Variants in FOXP1 observed in about 807,000 individuals in gnomAD.
FOXP1 encodes forkhead box P1.
A neutral mutation model predicts 98.2 loss-of-function variants in FOXP1; 15 were observed. The ratio of observed to expected loss-of-function variants is 0.15; its 90% CI spans 0.10 to 0.24. The LOEUF is 0.24. Ranked by LOEUF, FOXP1 falls within the 10% of genes least tolerant of loss-of-function variation. The pLI is 1.00. For synonymous variants in FOXP1, 371 were observed against 314.5 expected, an observed-to-expected ratio of 1.18 and a Z score of -1.90; for missense variants, 633 against 848.5, an observed-to-expected ratio of 0.75 and a Z score of 3.15.
rs1553761197 is a variant in FOXP1 at position 71,154,094 on chromosome 3, TTC to T, written c.181-41459_181-41458del. On this transcript the variant is annotated intron_variant, in intron 6 of 20. Coordinates refer to ENST00000649528, the MANE Select transcript of FOXP1 (RefSeq NM_001349338.3). ...CTTTGCATTCTTCTTCTTCTTCTTC[TTC>T]TTTTTTTTTGCAATTGACTAATAAT... 3.9e-4 allele frequency among the ~76,000 whole-genome samples: 47 copies of T among 120,056 alleles called. No individual in the cohort carries two copies. The East Asian group carries it at 4.8e-3, about 12-fold the overall frequency. 78.8% of individuals were successfully genotyped at this position (120,056 alleles called of 152,430 possible).
intron 2 of FOXP1, among the ~76,000 whole-genome samples, chr3:71,577,667 A>G (rs138859969): frequency 2.1e-3 from 314 of 152,316 alleles, no homozygotes; most frequent in African/African-American, 7.3e-3. Context: ...AGAGTAGAGT[A>G]ACAAATGACA....
intron 1 of FOXP1, chr3:71,582,029 A>G (rs1188970976): frequency 1.0e-6 from 1 of 971,838 alleles, no homozygotes; most frequent in South Asian, 4.8e-5. Flanking sequence ...TGGAGTTACA[A>G]CTGTTTATTT....
intron 12 of FOXP1, among the ~76,000 whole-genome samples, chr3:71,013,195 T>C (rs2043917318): frequency 6.6e-6 from 1 of 152,136 alleles, no homozygotes; most frequent in Non-Finnish European, 1.5e-5. Flanking sequence ...CAGTAGAAAT[T>C]GTTACTCCAC....
rs9861458 is a variant in FOXP1, at chr3:71,193,467, T to G, written c.180+4735A>C. 4.9e-5 allele frequency among the ~76,000 whole-genome samples: 4 copies of G among 81,390 alleles called. 1 individual carries two copies. Among genetic ancestry groups the G allele is most frequent in the Admixed American group, 3.8e-4 (3 of 7,850 alleles). The allele number at this position is 81,390 out of a possible 152,430, so 53.4% of individuals were successfully genotyped here. ...CCAGCCGTTATTTGTTTTTTTTTTT[T>G]AGACATATTCTCACTTTGTCGCCCA... On this transcript the variant is annotated intron_variant, in intron 6 of 20. Transcript: ENST00000649528.
chr3:71,131,944 C>G (rs1040997663), intron 6 of FOXP1, among the ~76,000 whole-genome samples: 2 of 152,200 alleles, frequency 1.3e-5, no homozygotes, highest in African/African-American at 4.8e-5. Flanking sequence ...TCTCACAGTG[C>G]TTCCACGCCT....
intron 6 of FOXP1, among the ~76,000 whole-genome samples, chr3:71,152,540 G>A (rs7609595): frequency 0.84 from 128,061 of 152,138 alleles, 54,083 homozygotes; most frequent in East Asian, 0.9. Context: ...ACCTGAAACC[G>A]CTTTGTGGAG....
intron 7 of FOXP1, among the ~76,000 whole-genome samples, chr3:71,062,042 C>T (rs1032479433): frequency 6.6e-6 from 1 of 152,106 alleles, no homozygotes; most frequent in Non-Finnish European, 1.5e-5. Flanking sequence ...TAGAACTGGT[C>T]AGTGTCATAA....
At chr3:70,964,089 C>A (rs1158734502) in intron 20 of FOXP1, among the ~76,000 whole-genome samples, 1 of 152,168 alleles carries the variant, frequency 6.6e-6, no homozygotes, top group Admixed American at 6.5e-5. Flanking sequence ...AAAAGAGTAA[C>A]AGTCTATTAC....
intron 2 of FOXP1, among the ~76,000 whole-genome samples, chr3:71,577,623 C>T (rs879901435): frequency 1.3e-5 from 2 of 151,922 alleles, no homozygotes; most frequent in Non-Finnish European, 2.9e-5. Flanking sequence ...TAAGATGGTT[C>T]CTTGGATAGC....
At chr3:71,129,490 T>C (rs2059434214) in intron 6 of FOXP1, among the ~76,000 whole-genome samples, 1 of 152,230 alleles carries the variant, frequency 6.6e-6, no homozygotes, top group Non-Finnish European at 1.5e-5. Flanking sequence ...ATATTTAGAC[T>C]GCGGACTAGC....
chr3:71,149,054 A>C (rs1364913938), intron 6 of FOXP1, among the ~76,000 whole-genome samples: 1 of 152,218 alleles, frequency 6.6e-6, no homozygotes, highest in Non-Finnish European at 1.5e-5. Flanking sequence ...TTAGTCAATA[A>C]TAGTTCTTCT....
At chr3:71,010,184 T>C (rs541038402) in intron 12 of FOXP1, among the ~76,000 whole-genome samples, 1 of 152,178 alleles carries the variant, frequency 6.6e-6, no homozygotes, top group South Asian at 2.1e-4. Flanking sequence ...CACTACCCAG[T>C]CAGGCTTTCT....
intron 2 of FOXP1, among the ~76,000 whole-genome samples, chr3:71,540,312 T>A (rs866024729): frequency 1.3e-5 from 2 of 152,074 alleles, no homozygotes; most frequent in Non-Finnish European, 2.9e-5. Context: ...CGCCAGACAA[T>A]GATGTAAACA....
At chr3:71,184,368 C>T (rs949384432) in intron 6 of FOXP1, among the ~76,000 whole-genome samples, 3 of 152,194 alleles carry the variant, frequency 2.0e-5, no homozygotes, top group Non-Finnish European at 4.4e-5. Context: ...GTTGTCTGTG[C>T]ACTTACTGTA....
chr3:70,958,737 CAAAAAAAAAAAAAAAAA>C lies in FOXP1; in HGVS notation c.*493_*509del, dbSNP rs10633687. The C allele has an allele frequency of 4.2e-3, 100 of 24,054 alleles. No homozygotes were observed. Among genetic ancestry groups the C allele is most frequent in the African/African-American group, 0.015 (93 of 6,316 alleles). The allele number at this position is 24,054 out of a possible 1,614,324, so 1.5% of individuals were successfully genotyped here. Reference sequence around the variant, plus strand: ...AGGCCTTCCCCATCCCAACTGGAAGCAAAAAAAAAAAAAAAAAAAAAAAAAAAAAAGGAGTAAAGGCA... The same window carrying C: ...AGGCCTTCCCCATCCCAACTGGAAGCAAAAAAAAAAAAAGGAGTAAAGGCA... On this transcript the variant is annotated 3_prime_UTR_variant, in exon 21 of 21. Transcript: ENST00000649528.
chr3:71,540,302 C>T (rs1488099970), intron 2 of FOXP1, among the ~76,000 whole-genome samples: 10 of 152,104 alleles, frequency 6.6e-5, no homozygotes, highest in Admixed American at 6.5e-5. Context: ...AGCACTGGTC[C>T]GCCAGACAAT....
At chr3:71,134,038 C>T (rs1234193573) in intron 6 of FOXP1, among the ~76,000 whole-genome samples, 1 of 152,116 alleles carries the variant, frequency 6.6e-6, no homozygotes, top group East Asian at 1.9e-4. Flanking sequence ...CTGTCCCCAC[C>T]CCCATTTATG....
At chr3:71,485,474 G>A (rs983612587) in intron 3 of FOXP1, among the ~76,000 whole-genome samples, 7 of 152,112 alleles carry the variant, frequency 4.6e-5, no homozygotes, top group Non-Finnish European at 1.0e-4. Context: ...AAAGTTCCCT[G>A]AATAATAACT....
chr3:71,475,460 C>G (rs1265255808), intron 3 of FOXP1, among the ~76,000 whole-genome samples: 1 of 152,072 alleles, frequency 6.6e-6, no homozygotes, highest in African/African-American at 2.4e-5. Flanking sequence ...TCTGGAGGCA[C>G]AAATCAAAGG....
Sources: gnomAD v4.1 joint callset for allele counts (sites outside exome capture counted in the v4.1 genomes callset) on GRCh38, gnomAD v4.1.1 for gene constraint, MANE v1.5 for transcripts, NCBI Gene and HGNC (gene_info 2026-07-23, HGNC 2026-07-21) for gene names.